PALLD: variants seen among roughly 807,000 people sequenced by gnomAD.
PALLD encodes palladin.
Under a neutral mutation model 123.5 loss-of-function variants are expected in PALLD, and 61 were observed. That is an observed-to-expected ratio of 0.49 (90% CI 0.40 to 0.61). The LOEUF (loss-of-function observed/expected upper bound fraction) is 0.61, where lower values mean the gene tolerates loss of function less well. PALLD is among the 20% of genes least tolerant of loss of function. PALLD has a pLI of 0.00. For missense variants in PALLD, 1,273 were observed against 1,377.0 expected (o/e 0.92, Z 1.20); for synonymous variants, 465 against 496.4 (o/e 0.94, Z 0.84).
intron 2 of PALLD, among the ~76,000 whole-genome samples, chr4:168,541,133 G>T (rs1034545872): frequency 6.6e-6 from 1 of 152,152 alleles, no homozygotes; most frequent in East Asian, 1.9e-4. Flanking sequence ...TCATATTTAC[G>T]CAGATATGTT....
chr4:168,603,562 G>A (rs2149734579), intron 2 of PALLD, among the ~76,000 whole-genome samples: 1 of 152,254 alleles, frequency 6.6e-6, no homozygotes, highest in East Asian at 1.9e-4. Context: ...GTTAGGCACA[G>A]CTGCTTAAAT....
chr4:168,694,861 T>C (rs917000036), intron 8 of PALLD, among the ~76,000 whole-genome samples: 1 of 152,232 alleles, frequency 6.6e-6, no homozygotes, highest in Non-Finnish European at 1.5e-5. Flanking sequence ...CAACATCCGT[T>C]TGTCATAGTA....
intron 2 of PALLD, among the ~76,000 whole-genome samples, chr4:168,562,160 A>G (rs1305812554): frequency 6.6e-6 from 1 of 152,026 alleles, no homozygotes; most frequent in Non-Finnish European, 1.5e-5. Flanking sequence ...ACTCTATCAA[A>G]TTACCTTCCA....
intron 10 of PALLD, among the ~76,000 whole-genome samples, chr4:168,755,328 T>C (rs1034518703): frequency 2.0e-5 from 3 of 151,124 alleles, no homozygotes; most frequent in African/African-American, 7.3e-5. Context: ...GAGTAAAATA[T>C]GGGCAGGGAC....
At chr4:168,793,593 C>T (rs1031228765) in intron 10 of PALLD, among the ~76,000 whole-genome samples, 4 of 151,982 alleles carry the variant, frequency 2.6e-5, no homozygotes, top group Non-Finnish European at 5.9e-5. Context: ...ATGACTTAAC[C>T]CTTCTTTAAG....
intron 12 of PALLD, among the ~76,000 whole-genome samples, chr4:168,895,378 C>T (rs1754892517): frequency 6.6e-6 from 1 of 152,186 alleles, no homozygotes; most frequent in Non-Finnish European, 1.5e-5. Flanking sequence ...GAGACTTCGT[C>T]TCCAAAACAA....
chr4:168,682,675 G>A (rs952323549), intron 4 of PALLD, among the ~76,000 whole-genome samples: 3 of 152,062 alleles, frequency 2.0e-5, no homozygotes, highest in African/African-American at 7.2e-5. Flanking sequence ...TTTTCTCTTA[G>A]GATTTTCAAG....
rs377676665 is a variant in PALLD, at chr4:168,685,521, G to A, written c.1297G>A (p.Gly433Arg). 3.3e-5 allele frequency: 54 copies of A among 1,612,638 alleles called. No homozygotes were observed. In the Middle Eastern group the frequency reaches 1.5e-3, roughly 44 times the overall value. ...SPTSYLCRPD[G>R]TTTAYFPPVF... ...AACTTCATATCTCTGCCGACCTGAT[G>A]GAACCACTACTGCCTACTTTCCTCC... The change falls in exon 6 of 22, where the codon GGA (glycine) becomes AGA (arginine). Residue 433 changes from glycine to arginine, a missense_variant. Around this residue, in one of 2 missense-constraint regions of PALLD, gnomAD observed 944 missense variants for 954.5 expected, o/e 0.99. Transcript: ENST00000505667.
At chr4:168,752,503 A>G (rs1038791142) in intron 10 of PALLD, among the ~76,000 whole-genome samples, 1 of 152,250 alleles carries the variant, frequency 6.6e-6, no homozygotes, top group Non-Finnish European at 1.5e-5. Flanking sequence ...AGAGATGGTT[A>G]TCTTGGCCAA....
chr4:168,752,658 C>T (rs969520008), intron 10 of PALLD, among the ~76,000 whole-genome samples: 4 of 152,136 alleles, frequency 2.6e-5, no homozygotes, highest in African/African-American at 9.7e-5. Flanking sequence ...AGAACATTTA[C>T]ACACTTTCAA....
chr4:168,580,512 T>C (rs1242568066), intron 2 of PALLD, among the ~76,000 whole-genome samples: 1 of 152,092 alleles, frequency 6.6e-6, no homozygotes, highest in East Asian at 1.9e-4. Flanking sequence ...GAAATGCTTA[T>C]ACACTGCTGG....
chr4:168,747,334 G>C (rs1730461019), intron 10 of PALLD, among the ~76,000 whole-genome samples: 1 of 152,198 alleles, frequency 6.6e-6, no homozygotes, highest in Non-Finnish European at 1.5e-5. Context: ...CAGGCTAAGA[G>C]TCAGTTTTCA....
intron 10 of PALLD, among the ~76,000 whole-genome samples, chr4:168,830,893 T>C (rs180789237): frequency 1.0e-3 from 159 of 152,340 alleles, no homozygotes; most frequent in Non-Finnish European, 1.8e-3. Flanking sequence ...TATTCAAAAC[T>C]AGTTAGCATT....
chr4:168,858,020 C>T (rs1156591279), intron 10 of PALLD, among the ~76,000 whole-genome samples: 1 of 152,250 alleles, frequency 6.6e-6, no homozygotes, highest in African/African-American at 2.4e-5. Context: ...CACACAGCAA[C>T]ACTTCTGATG....
chr4:168,679,384 GT>G (rs1781289378), intron 3 of PALLD, among the ~76,000 whole-genome samples: 1 of 135,846 alleles, frequency 7.4e-6, no homozygotes, highest in Non-Finnish European at 1.6e-5. Flanking sequence ...GGGTGTGTGT[GT>G]GTGTGTGGTG....
At chr4:168,903,648 C>T in intron 14 of PALLD, 109 bp from the exon 15 acceptor site, 1 of 884,772 alleles carries the variant, frequency 1.1e-6, no homozygotes, top group African/African-American at 1.6e-5. Flanking sequence ...AACATTTTAA[C>T]ATGAAAACTC....
chr4:168,682,013 A>G (rs577542662), intron 4 of PALLD, among the ~76,000 whole-genome samples: 5 of 152,336 alleles, frequency 3.3e-5, no homozygotes, highest in South Asian at 2.1e-4. Flanking sequence ...CAATTAAATC[A>G]TTACTAAAAT....
chr4:168,912,878 A>G (rs1759274477), intron 15 of PALLD, among the ~76,000 whole-genome samples: 1 of 151,932 alleles, frequency 6.6e-6, no homozygotes, highest in South Asian at 2.1e-4. Flanking sequence ...CGACCCCACC[A>G]CCCCGTCAAA....
At chr4:168,587,107 C>T (rs1770904909) in intron 2 of PALLD, among the ~76,000 whole-genome samples, 2 of 152,232 alleles carry the variant, frequency 1.3e-5, no homozygotes, top group Admixed American at 6.5e-5. Context: ...CTGGACACCC[C>T]CCGACGACAA....
Sources: gnomAD v4.1 joint callset for allele counts (sites outside exome capture counted in the v4.1 genomes callset) on GRCh38, gnomAD v4.1.1 for gene constraint, gnomAD v4.1.1 regional missense constraint, MANE v1.5 for transcripts, NCBI Gene and HGNC (gene_info 2026-07-23, HGNC 2026-07-21) for gene names.